PCDHGA2: variants seen among roughly 807,000 people sequenced by gnomAD.
PCDHGA2 encodes protocadherin gamma subfamily A, 2.
PCDHGA2 carries 40 observed loss-of-function variants against 59.2 expected under a neutral mutation model. The observed-to-expected ratio is 0.68, with a 90% CI of 0.52 to 0.88. The LOEUF (loss-of-function observed/expected upper bound fraction) is 0.88, where lower values mean the gene tolerates loss of function less well. Among genes scored for constraint, PCDHGA2 ranks in the 40% least tolerant of loss-of-function variants. PCDHGA2 has a pLI of 0.00. For missense variants in PCDHGA2, 1,226 were observed against 1,204.0 expected (o/e 1.02, Z -0.27); for synonymous variants, 560 against 526.0 (o/e 1.06, Z -0.89).
intron 1 of PCDHGA2, among the ~76,000 whole-genome samples, chr5:141,397,819 A>G (rs1159682049): frequency 6.6e-6 from 1 of 152,240 alleles, no homozygotes; most frequent in African/African-American, 2.4e-5. Flanking sequence ...AAAAACAATT[A>G]CTGCACTGGT....
chr5:141,365,466 A>T (rs1456535652), intron 1 of PCDHGA2: 2 of 1,614,016 alleles, frequency 1.2e-6, no homozygotes, highest in Non-Finnish European at 1.7e-6. Context: ...TCTGGAGAAA[A>T]TGGTGAGATT....
intron 1 of PCDHGA2, chr5:141,398,947 A>G: frequency 1.2e-6 from 2 of 1,613,968 alleles, no homozygotes; most frequent in Admixed American, 1.7e-5. Context: ...CGAGGGCATC[A>G]ACTCAGAAAT....
In PCDHGA2 at chr5:141,362,588, G is replaced by T. The variant is rs79703171; in HGVS notation, c.2424+21193G>T. The T allele has an allele frequency of 1.7e-3, 2,783 of 1,592,322 alleles. 42 individuals carry two copies. In the African/African-American group the frequency reaches 0.031, roughly 18 times the overall value. On this transcript the variant is annotated intron_variant, in intron 1 of 3. Coordinates refer to ENST00000394576, the MANE Select transcript of PCDHGA2 (RefSeq NM_018915.4). ...TTTAATTAATTTATTTTCACTTCTG[G>T]TTTTATTGTTTCACCTAATTTGGGT...
At chr5:141,374,495 T>C in intron 1 of PCDHGA2, 2 of 1,611,502 alleles carry the variant, frequency 1.2e-6, no homozygotes, top group Non-Finnish European at 8.5e-7. Context: ...AAAGGAAGAA[T>C]TGGAAGTGAA....
rs72790032 is a variant in PCDHGA2 at position 141,393,544 on chromosome 5, A to G, written c.2424+52149A>G. On this transcript the variant is annotated intron_variant, in intron 1 of 3. Coordinates refer to ENST00000394576, the MANE Select transcript of PCDHGA2 (RefSeq NM_018915.4). ...AATGACAATGCCCCGGTTTTTCCTC[A>G]CCCGATTTACCGAGTGAAAGTCCTT... 18,579 of 1,613,800 alleles carry G rather than the reference A, an allele frequency of 0.012. 149 individuals carry two copies. The highest frequency in any genetic ancestry group is 0.014 in the Non-Finnish European group (16,983 of 1,179,880).
chr5:141,440,535 G>C (rs1305958587), intron 1 of PCDHGA2: 1 of 152,154 alleles, frequency 6.6e-6, no homozygotes, highest in African/African-American at 2.4e-5. Flanking sequence ...CATGCACCAC[G>C]GTTCAGCAGG....
At chr5:141,374,300 C>A (rs746754972) in intron 1 of PCDHGA2, 38 of 1,613,830 alleles carry the variant, frequency 2.4e-5, no homozygotes, top group Non-Finnish European at 3.1e-5. Flanking sequence ...AGGTAGGATG[C>A]AGCTTTTCTC....
Position 141,486,054 on chromosome 5 carries a change from G to T in PCDHGA2, c.2425-8753G>T. The T allele has an allele frequency of 1.2e-6, 2 of 1,614,124 alleles. No homozygotes were observed. Among genetic ancestry groups the T allele is most frequent in the South Asian group, 1.1e-5 (1 of 91,072 alleles). On this transcript the variant is annotated intron_variant, in intron 1 of 3. Transcript: ENST00000394576. The surrounding 1 kb of genome is among the most constrained non-coding windows in gnomAD (Gnocchi z 5.0). The stretch of plus-strand genomic sequence containing the variant: ...CCTGATCGTGTAAGAAACCTCTTTA[G>T]CCTGCACCCCACTACTGGAAAGCTT...
intron 1 of PCDHGA2, chr5:141,428,296 AT>A: frequency 1.4e-6 from 1 of 713,574 alleles, no homozygotes; most frequent in Non-Finnish European, 2.5e-6. Flanking sequence ...AAAGCTGCAG[AT>A]TTACCTGGTC....
At chr5:141,433,150 G>C (rs1466566074) in intron 1 of PCDHGA2, 5 of 1,613,936 alleles carry the variant, frequency 3.1e-6, no homozygotes, top group Middle Eastern at 1.6e-4. Flanking sequence ...CAGGTGATTC[G>C]GTATTTTCTA....
chr5:141,366,183 C>A, intron 1 of PCDHGA2: 6 of 1,613,986 alleles, frequency 3.7e-6, no homozygotes, highest in Non-Finnish European at 5.1e-6. Context: ...GGACTCTTTG[C>A]GGTTGGGCTG....
At chr5:141,414,704 C>A (rs778708386) in intron 1 of PCDHGA2, 8 of 1,614,036 alleles carry the variant, frequency 5.0e-6, no homozygotes, top group Non-Finnish European at 5.9e-6. Flanking sequence ...TCATACATAT[C>A]CATCAACTCA....
rs749221752 is a variant in PCDHGA2 at position 141,432,670 on chromosome 5, G to T, written c.2425-62137G>T. ...CGCGAGCCCTGCTGGACAGAGACGCGCTCAAGCAGAGCCTCGTAGTGGCCG... is the reference window on the plus strand; with the variant it reads ...CGCGAGCCCTGCTGGACAGAGACGCTCTCAAGCAGAGCCTCGTAGTGGCCG... On this transcript the variant is annotated intron_variant, in intron 1 of 3. Coordinates refer to ENST00000394576, the MANE Select transcript of PCDHGA2 (RefSeq NM_018915.4). This position sits in a 1 kb window ranked among gnomAD's most constrained non-coding sequence, Gnocchi z 6.0. 7 of 1,613,750 alleles carry T rather than the reference G, an allele frequency of 4.3e-6. No homozygotes were observed. The African/African-American group carries it at 5.3e-5, about 12-fold the overall frequency.
chr5:141,414,866 C>G (rs1413236073), intron 1 of PCDHGA2: 1 of 1,614,230 alleles, frequency 6.2e-7, no homozygotes, highest in Non-Finnish European at 8.5e-7. Flanking sequence ...GACAATGCGC[C>G]CGAGATCCTG....
At chr5:141,370,625 G>T (rs984746872) in intron 1 of PCDHGA2, 1 of 1,613,980 alleles carries the variant, frequency 6.2e-7, no homozygotes, top group Non-Finnish European at 8.5e-7. Context: ...TCTTTACCGT[G>T]AGCCCCGAAA....
At chr5:141,365,871 T>C in intron 1 of PCDHGA2, 1 of 1,614,098 alleles carries the variant, frequency 6.2e-7, no homozygotes, top group Non-Finnish European at 8.5e-7. Context: ...ACCGGTGTCC[T>C]GTATGCTCTG....
At chr5:141,414,137 T>C in intron 1 of PCDHGA2, 1 of 1,595,618 alleles carries the variant, frequency 6.3e-7, no homozygotes, top group South Asian at 1.1e-5. Context: ...TTCTATGAAA[T>C]AGAAATACAA....
chr5:141,457,337 TTAC>T (rs1446765287), intron 1 of PCDHGA2, among the ~76,000 whole-genome samples: 2 of 152,202 alleles, frequency 1.3e-5, no homozygotes, highest in Non-Finnish European at 2.9e-5. Flanking sequence ...GGTACCTTAC[TTAC>T]TTTCATTACC....
In PCDHGA2 at chr5:141,340,469, C is replaced by A; in HGVS notation, c.1498C>A (p.Pro500Thr). The A allele has an allele frequency of 6.2e-7, 1 of 1,614,224 alleles. No individual in the cohort carries two copies. The highest frequency in any genetic ancestry group is 1.7e-5 in the Admixed American group (1 of 60,026). ...CGCGGAGGACACTGTTCAGGGGGCA[C>A]CCTTATCCTCTTACATCTCTATCAA... ...SFAEDTVQGA[P>T]LSSYISINSD... The change falls in exon 1 of 4, where the codon CCC becomes ACC. Residue 500 changes from proline (P) to threonine (T), a missense_variant. By Grantham distance (38) the Pro-to-Thr change is conservative. Transcript: ENST00000394576.
Sources: gnomAD v4.1 joint callset for allele counts (sites outside exome capture counted in the v4.1 genomes callset) on GRCh38, gnomAD v4.1.1 for gene constraint, Gnocchi (gnomAD v3.1) non-coding constraint, MANE v1.5 for transcripts, NCBI Gene and HGNC (gene_info 2026-07-23, HGNC 2026-07-21) for gene names.